The following PRKCA variants were observed in gnomAD, a reference collection of about 807,000 sequenced individuals.
The protein encoded by PRKCA is protein kinase C alpha, also known as protein kinase C alpha type.
Under a neutral mutation model 87.0 loss-of-function variants are expected in PRKCA, and 27 were observed. The ratio of observed to expected loss-of-function variants is 0.31; its 90% CI spans 0.23 to 0.43. PRKCA has a LOEUF of 0.43. Ranked by LOEUF, PRKCA falls within the 20% of genes least tolerant of loss-of-function variation. The probability of loss-of-function intolerance (pLI) is 1.00; values close to 1 mark genes in which losing one functional copy is unlikely to be tolerated. For missense variants in PRKCA, 518 were observed against 852.3 expected (o/e 0.61, Z 4.88); for synonymous variants, 329 against 311.1 (o/e 1.06, Z -0.61).
At chr17:66,361,029 A>C (rs980624459) in intron 2 of PRKCA, among the ~76,000 whole-genome samples, 2 of 151,916 alleles carry the variant, frequency 1.3e-5, no homozygotes, top group African/African-American at 2.4e-5. Context: ...GCCTTCAACA[A>C]GCTCTCGGTG....
chr17:66,778,096 A>T (rs1196441901), intron 14 of PRKCA: 3 of 985,338 alleles, frequency 3.0e-6, no homozygotes, highest in Non-Finnish European at 3.6e-6. Context: ...CCTGGAGAGC[A>T]CCAGGCTCCA....
At chr17:66,760,034 A>C (rs1273347542) in intron 13 of PRKCA, among the ~76,000 whole-genome samples, 1 of 152,270 alleles carries the variant, frequency 6.6e-6, no homozygotes, top group Non-Finnish European at 1.5e-5. Context: ...GGAGAGAATC[A>C]GTAGGGACGG....
intron 3 of PRKCA, among the ~76,000 whole-genome samples, chr17:66,592,709 C>T (rs992650240): frequency 6.6e-6 from 1 of 152,236 alleles, no homozygotes; most frequent in Admixed American, 6.5e-5. Flanking sequence ...TTTTGTTGTG[C>T]AGATGCAAAC....
chr17:66,727,640 A>AT (rs147944301), intron 8 of PRKCA, among the ~76,000 whole-genome samples: 24,450 of 151,906 alleles, frequency 0.16, 3,887 homozygotes, highest in African/African-American at 0.41. Flanking sequence ...GCTGCCTGGA[A>AT]TTTTCTGTTC....
rs79732414 is a variant in PRKCA at position 66,716,899 on chromosome 17, A to G, written c.919-15789A>G. On this transcript the variant is annotated intron_variant, in intron 8 of 16. Transcript: ENST00000413366. ...GGCAACAGCCAAAGTGGGTGTGTCC[A>G]TGAAAATATTTCTTGTTAAGAAAAC... 3.9e-3 allele frequency among the ~76,000 whole-genome samples: 594 copies of G among 152,322 alleles called. 3 individuals carry two copies. Among genetic ancestry groups the G allele is most frequent in the African/African-American group, 0.013 (527 of 41,574 alleles).
chr17:66,433,068 C>T (rs146748049), intron 2 of PRKCA, among the ~76,000 whole-genome samples: 98 of 152,232 alleles, frequency 6.4e-4, no homozygotes, highest in African/African-American at 2.3e-3. Flanking sequence ...TTCAGAAAAC[C>T]AGAAGGTGGC....
intron 2 of PRKCA, among the ~76,000 whole-genome samples, chr17:66,393,842 C>T (rs773819900): frequency 1.3e-5 from 2 of 152,026 alleles, no homozygotes; most frequent in Non-Finnish European, 2.9e-5. Context: ...CGGAAGCCAA[C>T]GTGGGCAGAT....
At chr17:66,389,112 C>T (rs559005907) in intron 2 of PRKCA, among the ~76,000 whole-genome samples, 7 of 152,296 alleles carry the variant, frequency 4.6e-5, no homozygotes, top group Admixed American at 1.3e-4. Context: ...GCGGCACCTT[C>T]CCACGCAACT....
chr17:66,366,641 T>A (rs537962003), intron 2 of PRKCA, among the ~76,000 whole-genome samples: 1 of 152,230 alleles, frequency 6.6e-6, no homozygotes, highest in East Asian at 1.9e-4. Context: ...GAAAGGAGAA[T>A]GAGAAGTAAC....
At chr17:66,705,786 G>T (rs1189780384) in intron 8 of PRKCA, among the ~76,000 whole-genome samples, 1 of 152,148 alleles carries the variant, frequency 6.6e-6, no homozygotes, top group Non-Finnish European at 1.5e-5. Context: ...GAACATGGCA[G>T]CTAAACATTG....
intron 2 of PRKCA, among the ~76,000 whole-genome samples, chr17:66,360,366 A>G (rs1484852112): frequency 6.6e-6 from 1 of 152,192 alleles, no homozygotes; most frequent in Non-Finnish European, 1.5e-5. Flanking sequence ...GGAGAGCATC[A>G]GTCCTCCATG....
intron 8 of PRKCA, among the ~76,000 whole-genome samples, chr17:66,723,609 C>T (rs9910868): frequency 7.3e-5 from 11 of 149,874 alleles, no homozygotes; most frequent in African/African-American, 2.2e-4. Flanking sequence ...GCCTGGTGAA[C>T]AGAGTGAGAC....
intron 5 of PRKCA, among the ~76,000 whole-genome samples, chr17:66,648,217 A>G (rs760536640): frequency 1.3e-5 from 2 of 152,174 alleles, no homozygotes; most frequent in Admixed American, 6.5e-5. Context: ...GTTTGGTTGA[A>G]GGTTATCCCG....
At chr17:66,406,818 A>G (rs1410894590) in intron 2 of PRKCA, among the ~76,000 whole-genome samples, 1 of 151,954 alleles carries the variant, frequency 6.6e-6, no homozygotes, top group South Asian at 2.1e-4. Context: ...CTGCCAGGTG[A>G]GAGAGGGATG....
chr17:66,334,285 A>G (rs896539594), intron 2 of PRKCA, among the ~76,000 whole-genome samples: 1 of 152,100 alleles, frequency 6.6e-6, no homozygotes, highest in African/African-American at 2.4e-5. Context: ...AAAAACTGTA[A>G]TATAGTATAA....
chr17:66,395,382 A>G (rs1049320720), intron 2 of PRKCA, among the ~76,000 whole-genome samples: 3 of 152,252 alleles, frequency 2.0e-5, no homozygotes, highest in Non-Finnish European at 4.4e-5. Flanking sequence ...TAATGTTACC[A>G]TTATAATATA....
At position 66,546,552 on chromosome 17, in the gene PRKCA, G is replaced by A. The variant is rs115252549; in HGVS notation, c.288+50269G>A. 9.6e-3 allele frequency among the ~76,000 whole-genome samples: 1,456 copies of A among 152,146 alleles called. 26 individuals are homozygous for A. Among genetic ancestry groups the A allele is most frequent in the African/African-American group, 0.03 (1,256 of 41,514 alleles). On this transcript the variant is annotated intron_variant, in intron 3 of 16. Coordinates refer to ENST00000413366, the MANE Select transcript of PRKCA (RefSeq NM_002737.3). ...TTGTGGCTGCATCTCTCCAGTTTCC[G>A]CCTCTGTGTTCACATGGCCATCTTC...
intron 3 of PRKCA, among the ~76,000 whole-genome samples, chr17:66,632,257 T>C (rs1971036931): frequency 6.6e-6 from 1 of 152,260 alleles, no homozygotes; most frequent in Non-Finnish European, 1.5e-5. Flanking sequence ...GTTAAAAGTC[T>C]CATTTTACTT....
chr17:66,333,359 C>T (rs1906467016), intron 2 of PRKCA, among the ~76,000 whole-genome samples: 1 of 152,110 alleles, frequency 6.6e-6, no homozygotes, highest in Non-Finnish European at 1.5e-5. Context: ...CAATCTTTAA[C>T]TCATATTCTT....
Sources: allele counts gnomAD v4.1 joint callset (sites outside exome capture counted in the v4.1 genomes callset), GRCh38; gene constraint gnomAD v4.1.1; transcripts MANE v1.5; gene names NCBI Gene and HGNC (gene_info 2026-07-23, HGNC 2026-07-21).